Variants in GABRG3 observed in about 807,000 individuals in gnomAD.
GABRG3 encodes the protein gamma-aminobutyric acid receptor subunit gamma-3.
In GABRG3, 25 loss-of-function variants were observed where a neutral mutation model predicts 48.8. The ratio of observed to expected loss-of-function variants is 0.51; its 90% CI spans 0.37 to 0.72. GABRG3 has a LOEUF of 0.72. Among genes scored for constraint, GABRG3 ranks in the 30% least tolerant of loss-of-function variants. The pLI, the probability that GABRG3 is intolerant of heterozygous loss-of-function variation, is 0.00. For synonymous variants in GABRG3, 227 were observed against 217.6 expected (o/e 1.04, Z -0.38); for missense variants, 394 against 577.9 (o/e 0.68, Z 3.26).
chr15:27,393,017 A>G (rs999825746), intron 5 of GABRG3, among the ~76,000 whole-genome samples: 1 of 152,146 alleles, frequency 6.6e-6, no homozygotes, highest in Non-Finnish European at 1.5e-5. Context: ...CATTTCTAAG[A>G]GCCCCGGTTC....
chr15:27,451,317 A>C (rs1889104779), intron 5 of GABRG3, among the ~76,000 whole-genome samples: 1 of 152,252 alleles, frequency 6.6e-6, no homozygotes, highest in African/African-American at 2.4e-5. Context: ...AAAAAATAGC[A>C]TACTACTGAC....
chr15:27,512,861 A>G lies in GABRG3; in HGVS notation c.713-7111A>G, dbSNP rs569345788. ...TTCATACCCTAGGGCTGACCTCCAA[A>G]AAGTGCCCCCTGTCAACTTTAGTTA... On this transcript the variant is annotated intron_variant, in intron 6 of 9. Coordinates refer to ENST00000615808, the MANE Select transcript of GABRG3 (RefSeq NM_033223.5). Among the ~76,000 whole-genome samples, 7 of 152,264 alleles carry G rather than the reference A, an allele frequency of 4.6e-5. No individual in the cohort carries two copies. The East Asian group carries it at 1.4e-3, about 30-fold the overall frequency.
rs1202303132 is a variant in GABRG3, at chr15:26,971,460, C to CGGAGACCAGGTCCGCGCCGGA, written c.-72_-52dup. The CGGAGACCAGGTCCGCGCCGGA allele has an allele frequency of 4.5e-5, 57 of 1,265,834 alleles. No homozygotes were observed. Among genetic ancestry groups the CGGAGACCAGGTCCGCGCCGGA allele is most frequent in the Non-Finnish European group, 5.1e-5 (48 of 947,688 alleles). 78.4% of individuals were successfully genotyped at this position (1,265,834 alleles called of 1,614,324 possible). Reference sequence around the variant, plus strand: ...AGGAAGCCAGGGCAAAGAGGGCCGGCGGAGACCAGGTCCGCGCCGGAGGAA... The same window carrying CGGAGACCAGGTCCGCGCCGGA: ...AGGAAGCCAGGGCAAAGAGGGCCGGCGGAGACCAGGTCCGCGCCGGAGGAGACCAGGTCCGCGCCGGAGGAA... On this transcript the variant is annotated 5_prime_UTR_variant, in exon 1 of 10. Coordinates refer to ENST00000615808, the MANE Select transcript of GABRG3 (RefSeq NM_033223.5).
At chr15:27,351,256 GTA>G (rs1894571823) in intron 5 of GABRG3, among the ~76,000 whole-genome samples, 2 of 149,884 alleles carry the variant, frequency 1.3e-5, no homozygotes, top group African/African-American at 4.9e-5. Context: ...GTGTTTGTGT[GTA>G]TGGTGTGTGT....
chr15:27,037,465 G>C (rs4536438), intron 3 of GABRG3, among the ~76,000 whole-genome samples: 1 of 152,078 alleles, frequency 6.6e-6, no homozygotes, highest in Non-Finnish European at 1.5e-5. Context: ...GAGTTTGTAA[G>C]GATTCAGGGT....
intron 5 of GABRG3, among the ~76,000 whole-genome samples, chr15:27,349,278 A>G (rs187671976): frequency 2.9e-4 from 44 of 152,296 alleles, no homozygotes; most frequent in African/African-American, 9.6e-4. Flanking sequence ...AAAATGAAAT[A>G]GGGGCTTGTA....
intron 3 of GABRG3, among the ~76,000 whole-genome samples, chr15:27,246,818 G>C (rs1387061520): frequency 6.6e-6 from 1 of 152,178 alleles, no homozygotes; most frequent in Admixed American, 6.5e-5. Context: ...TATAAATATT[G>C]AAAGGCAGCA....
At chr15:27,064,909 C>T (rs150268849) in intron 3 of GABRG3, among the ~76,000 whole-genome samples, 66 of 152,298 alleles carry the variant, frequency 4.3e-4, no homozygotes, top group African/African-American at 1.3e-3. Flanking sequence ...CATCTTTAAA[C>T]GTGTGTCAAG....
At chr15:27,438,432 T>G in intron 5 of GABRG3, among the ~76,000 whole-genome samples, 1 of 152,212 alleles carries the variant, frequency 6.6e-6, no homozygotes, top group East Asian at 1.9e-4. Context: ...GTGCTAACTT[T>G]CTAATGGTAA....
intron 3 of GABRG3, among the ~76,000 whole-genome samples, chr15:27,308,517 AACAT>A (rs1466238985): frequency 6.8e-6 from 1 of 148,082 alleles, no homozygotes; most frequent in Non-Finnish European, 1.5e-5. Flanking sequence ...ACATAATGTA[AACAT>A]ACATGTTTAT....
chr15:27,391,916 C>T (rs1253851194), intron 5 of GABRG3, among the ~76,000 whole-genome samples: 1 of 152,226 alleles, frequency 6.6e-6, no homozygotes, highest in Non-Finnish European at 1.5e-5. Context: ...CACGCATTTA[C>T]TACACACACA....
chr15:27,058,641 A>G (rs2140720068), intron 3 of GABRG3, among the ~76,000 whole-genome samples: 1 of 150,798 alleles, frequency 6.6e-6, no homozygotes, highest in East Asian at 1.9e-4. Context: ...TTTTTTTTTC[A>G]AAGTCAAATT....
chr15:26,987,377 C>G (rs187685754), intron 2 of GABRG3, among the ~76,000 whole-genome samples: 1 of 152,338 alleles, frequency 6.6e-6, no homozygotes, highest in East Asian at 1.9e-4. Flanking sequence ...ACTTTCAGTT[C>G]AGCTGTCTGC....
chr15:27,470,225 T>G (rs993326459), intron 5 of GABRG3, among the ~76,000 whole-genome samples: 1 of 151,844 alleles, frequency 6.6e-6, no homozygotes, highest in Admixed American at 6.6e-5. Context: ...TTCTTTTTCT[T>G]TTTTCTTTCT....
chr15:27,469,224 GC>G (rs1889708578), intron 5 of GABRG3, among the ~76,000 whole-genome samples: 1 of 151,938 alleles, frequency 6.6e-6, no homozygotes, highest in Non-Finnish European at 1.5e-5. Context: ...AGAACACTCA[GC>G]CCACGTGCCA....
intron 5 of GABRG3, chr15:27,340,929 T>A (rs1595689216): frequency 2.1e-6 from 1 of 482,786 alleles, no homozygotes; most frequent in East Asian, 5.6e-5. Context: ...TTGAAAGCTG[T>A]TTTTTAAGAA....
At chr15:27,170,517 C>G (rs1035577094) in intron 3 of GABRG3, among the ~76,000 whole-genome samples, 1 of 151,708 alleles carries the variant, frequency 6.6e-6, no homozygotes, top group East Asian at 1.9e-4. Context: ...CTCAGCTGAT[C>G]CAAAAGAAAA....
chr15:27,026,353 C>A (rs1895982853), intron 2 of GABRG3, among the ~76,000 whole-genome samples: 2 of 152,168 alleles, frequency 1.3e-5, no homozygotes, highest in Admixed American at 6.5e-5. Flanking sequence ...TGACATTGCT[C>A]CTCTCTTGTG....
At chr15:27,424,009 A>C (rs989183225) in intron 5 of GABRG3, among the ~76,000 whole-genome samples, 2 of 152,186 alleles carry the variant, frequency 1.3e-5, no homozygotes, top group Admixed American at 1.3e-4. Context: ...TGCTCAACTT[A>C]CTATGCTAGT....
Sources: allele counts gnomAD v4.1 joint callset (sites outside exome capture counted in the v4.1 genomes callset), GRCh38; gene constraint gnomAD v4.1.1; transcripts MANE v1.5; gene names NCBI Gene and HGNC (gene_info 2026-07-23, HGNC 2026-07-21).